The following SNTG1 variants were observed in gnomAD, a reference collection of about 807,000 sequenced individuals.
SNTG1 encodes syntrophin gamma 1.
A neutral mutation model predicts 74.7 loss-of-function variants in SNTG1; 39 were observed. That is an observed-to-expected ratio of 0.52 (90% CI 0.40 to 0.68). The LOEUF (loss-of-function observed/expected upper bound fraction) is 0.68, where lower values mean the gene tolerates loss of function less well. Ranked by LOEUF, SNTG1 falls within the 30% of genes least tolerant of loss-of-function variation. The pLI is 0.00. For missense variants in SNTG1, 685 were observed against 609.5 expected, an observed-to-expected ratio of 1.12 and a Z score of -1.30; for synonymous variants, 254 against 217.1, an observed-to-expected ratio of 1.17 and a Z score of -1.49.
chr8:50,615,151 G>A lies in SNTG1; in HGVS notation c.849+24234G>A, dbSNP rs543406528. Among the ~76,000 whole-genome samples the A allele has an allele frequency of 5.9e-5, 9 of 151,848 alleles. No individual in the cohort carries two copies. The East Asian group carries it at 1.4e-3, about 23-fold the overall frequency. On this transcript the variant is annotated intron_variant, in intron 13 of 18. Transcript: ENST00000642720. The stretch of plus-strand genomic sequence containing the variant: ...TTGTTTTTGTATTTTTAGTAGAGAC[G>A]GGGTTTCACCAGTTTAGCCAGGATG...
intron 2 of SNTG1, among the ~76,000 whole-genome samples, chr8:50,255,978 G>C (rs747249501): frequency 6.6e-6 from 1 of 152,154 alleles, no homozygotes; most frequent in Non-Finnish European, 1.5e-5. Flanking sequence ...TCTGTAAACA[G>C]TGTTATGATA....
chr8:50,082,121 G>A (rs931872975), intron 1 of SNTG1, among the ~76,000 whole-genome samples: 1 of 151,720 alleles, frequency 6.6e-6, no homozygotes, highest in African/African-American at 2.4e-5. Flanking sequence ...TCTTAATAAT[G>A]CCTATGAATA....
intron 1 of SNTG1, among the ~76,000 whole-genome samples, chr8:49,944,877 T>C (rs1427471322): frequency 6.6e-6 from 1 of 151,422 alleles, no homozygotes; most frequent in Non-Finnish European, 1.5e-5. Context: ...AACCTTCATC[T>C]CCCGGGCTCA....
At chr8:50,566,587 G>C (rs1435871633) in intron 12 of SNTG1, among the ~76,000 whole-genome samples, 3 of 151,994 alleles carry the variant, frequency 2.0e-5, no homozygotes, top group African/African-American at 7.2e-5. Context: ...CTGTATGACT[G>C]AGTTGGGAAG....
At chr8:50,656,881 C>A in intron 13 of SNTG1, 28 bp from the exon 14 acceptor site, 1 of 1,421,592 alleles carries the variant, frequency 7.0e-7, no homozygotes. Context: ...GAAGTTTTGA[C>A]AGTTGATTGT....
intron 2 of SNTG1, among the ~76,000 whole-genome samples, chr8:50,272,578 T>C (rs765607378): frequency 1.3e-4 from 20 of 152,196 alleles, no homozygotes; most frequent in Non-Finnish European, 2.6e-4. Context: ...AGATGGTTCT[T>C]GTTCTCTTTG....
intron 13 of SNTG1, among the ~76,000 whole-genome samples, chr8:50,619,731 GAAAAA>G (rs780234473): frequency 1.6e-5 from 1 of 63,850 alleles, no homozygotes; most frequent in Admixed American, 1.8e-4. Context: ...ACTCCGTCTC[GAAAAA>G]AAAAAAAAAA....
intron 1 of SNTG1, among the ~76,000 whole-genome samples, chr8:49,929,850 A>T (rs377643732): frequency 1.4e-5 from 2 of 139,252 alleles, no homozygotes; most frequent in African/African-American, 5.3e-5. Flanking sequence ...ATATCTCCCA[A>T]TGCTATCCCT....
intron 4 of SNTG1, among the ~76,000 whole-genome samples, chr8:50,417,083 T>C (rs2131429749): frequency 6.6e-6 from 1 of 152,268 alleles, no homozygotes; most frequent in East Asian, 1.9e-4. Context: ...ACTGGAAAAT[T>C]TGGTAAAACA....
At chr8:50,448,070 A>G (rs2093422356) in intron 5 of SNTG1, among the ~76,000 whole-genome samples, 1 of 152,190 alleles carries the variant, frequency 6.6e-6, no homozygotes, top group Non-Finnish European at 1.5e-5. Context: ...TCTTAGACAC[A>G]GTCTGTGTTT....
At chr8:50,301,052 T>C (rs1344388041) in intron 2 of SNTG1, among the ~76,000 whole-genome samples, 3 of 152,090 alleles carry the variant, frequency 2.0e-5, no homozygotes, top group Non-Finnish European at 4.4e-5. Flanking sequence ...TAGGTGTGTG[T>C]TTTTGTATGT....
chr8:49,958,177 C>G (rs1283489185), intron 1 of SNTG1, among the ~76,000 whole-genome samples: 1 of 152,048 alleles, frequency 6.6e-6, no homozygotes, highest in Non-Finnish European at 1.5e-5. Context: ...TGCAGAGGCC[C>G]ACAAAAGGAC....
At chr8:50,418,338 G>A (rs959806893) in intron 4 of SNTG1, among the ~76,000 whole-genome samples, 1 of 151,762 alleles carries the variant, frequency 6.6e-6, no homozygotes, top group Non-Finnish European at 1.5e-5. Flanking sequence ...ATTTTCTTAC[G>A]GGCTTCTTGG....
chr8:50,780,636 G>C (rs1201438307), intron 18 of SNTG1, among the ~76,000 whole-genome samples: 2 of 151,912 alleles, frequency 1.3e-5, no homozygotes, highest in Non-Finnish European at 2.9e-5. Flanking sequence ...CAACTTTGTT[G>C]ATCTTTTCAA....
intron 13 of SNTG1, among the ~76,000 whole-genome samples, chr8:50,626,782 A>T (rs150237190): frequency 6.6e-6 from 1 of 152,190 alleles, no homozygotes; most frequent in Admixed American, 6.5e-5. Context: ...TGTCATGGCC[A>T]TCAGGAACAT....
intron 2 of SNTG1, among the ~76,000 whole-genome samples, chr8:50,319,326 T>C (rs578229516): frequency 2.0e-5 from 3 of 152,012 alleles, no homozygotes; most frequent in Non-Finnish European, 4.4e-5. Context: ...ATCATGCTAC[T>C]GCACTCCAGC....
intron 2 of SNTG1, among the ~76,000 whole-genome samples, chr8:50,372,324 C>A (rs1422472119): frequency 2.0e-4 from 30 of 151,332 alleles, no homozygotes; most frequent in Admixed American, 2.0e-3. Flanking sequence ...CATAAAATAT[C>A]TTATATAATA....
intron 1 of SNTG1, among the ~76,000 whole-genome samples, chr8:50,040,803 T>G (rs1326172925): frequency 6.6e-6 from 1 of 152,204 alleles, no homozygotes; most frequent in Non-Finnish European, 1.5e-5. Flanking sequence ...TAAATAATAG[T>G]TATTAATTTC....
chr8:50,163,137 C>T (rs1026018153), intron 1 of SNTG1, among the ~76,000 whole-genome samples: 51 of 152,154 alleles, frequency 3.4e-4, no homozygotes, highest in Non-Finnish European at 8.8e-5. Flanking sequence ...CCAGGGAGGC[C>T]CTTTCTGGTC....
Sources: gnomAD v4.1 joint callset for allele counts (sites outside exome capture counted in the v4.1 genomes callset) on GRCh38, gnomAD v4.1.1 for gene constraint, MANE v1.5 for transcripts, NCBI Gene and HGNC (gene_info 2026-07-23, HGNC 2026-07-21) for gene names.